POPDC1: variants seen among roughly 807,000 people sequenced by gnomAD.
POPDC1 encodes the protein popeye domain cAMP effector 1, also known as popeye domain-containing protein 1.
the POPDC1 span, among the ~76,000 whole-genome samples, chr6:105,126,933 T>G: frequency 1.3e-5 from 2 of 152,244 alleles, no homozygotes; most frequent in Non-Finnish European, 2.9e-5. Context: ...CAAATAAGGC[T>G]GGCTACTGGA....
the POPDC1 span, among the ~76,000 whole-genome samples, chr6:105,114,962 A>G: frequency 6.6e-6 from 1 of 152,250 alleles, no homozygotes; most frequent in Non-Finnish European, 1.5e-5. Flanking sequence ...TTAGTAAAAC[A>G]TTTCTGGGTC....
chr6:105,121,589 T>C, the POPDC1 span, among the ~76,000 whole-genome samples: 3 of 152,142 alleles, frequency 2.0e-5, no homozygotes, highest in African/African-American at 7.2e-5. Context: ...TTTGTAATAA[T>C]ACTACTCAAG....
chr6:105,124,307 G>A, the POPDC1 span, among the ~76,000 whole-genome samples: 1 of 149,454 alleles, frequency 6.7e-6, no homozygotes, highest in Admixed American at 6.8e-5. Flanking sequence ...GCGTGAACCT[G>A]GGAGGCGGAG....
the POPDC1 span, among the ~76,000 whole-genome samples, chr6:105,112,671 G>T: frequency 6.6e-6 from 1 of 152,186 alleles, no homozygotes; most frequent in African/African-American, 2.4e-5. Flanking sequence ...GGAATCAGGA[G>T]ATGACAGGTT....
chr6:105,133,425 A>G, the POPDC1 span: 3 of 1,613,870 alleles, frequency 1.9e-6, 1 homozygote, highest in Non-Finnish European at 2.5e-6. Context: ...CAACTGCAAA[A>G]CAAATATTTG....
the POPDC1 span, among the ~76,000 whole-genome samples, chr6:105,107,103 C>T: frequency 3.2e-3 from 480 of 152,254 alleles, 9 homozygotes; most frequent in East Asian, 0.056. Flanking sequence ...TACCTCCCCC[C>T]ACCCCCATTA....
the POPDC1 span, among the ~76,000 whole-genome samples, chr6:105,106,529 G>A: frequency 2.6e-5 from 4 of 152,228 alleles, no homozygotes; most frequent in Admixed American, 1.3e-4. Flanking sequence ...GATGGCAGGG[G>A]GTGACCACAC....
the POPDC1 span, among the ~76,000 whole-genome samples, chr6:105,102,410 G>A: frequency 1.3e-5 from 2 of 152,206 alleles, no homozygotes; most frequent in East Asian, 1.9e-4. Flanking sequence ...AGGGCTATGA[G>A]CATGTCACAC....
chr6:105,101,138 A>T, the POPDC1 span: 2 of 1,613,742 alleles, frequency 1.2e-6, no homozygotes, highest in Non-Finnish European at 8.5e-7. Flanking sequence ...CGGTTCAAAA[A>T]CGTCATCATC....
At chr6:105,132,507 TACG>T in the POPDC1 span, among the ~76,000 whole-genome samples, 1 of 152,292 alleles carries the variant, frequency 6.6e-6, no homozygotes, top group African/African-American at 2.4e-5. Context: ...CAGCATCTGA[TACG>T]CCATACTGGG....
the POPDC1 span, chr6:105,133,346 T>A: frequency 6.2e-7 from 1 of 1,600,576 alleles, no homozygotes; most frequent in East Asian, 2.2e-5. Flanking sequence ...CAGTTAGGTA[T>A]CTTACCTAGA....
chr6:105,114,288 A>G, the POPDC1 span, among the ~76,000 whole-genome samples: 2 of 152,206 alleles, frequency 1.3e-5, no homozygotes, highest in Admixed American at 6.5e-5. Flanking sequence ...TACAACTTGT[A>G]TTAAATTTGT....
the POPDC1 span, among the ~76,000 whole-genome samples, chr6:105,103,503 A>G: frequency 6.6e-6 from 1 of 151,994 alleles, no homozygotes; most frequent in Non-Finnish European, 1.5e-5. Flanking sequence ...TTTCCATCAT[A>G]TTTTTAGCCT....
the POPDC1 span, chr6:105,137,069 G>A: frequency 3.3e-5 from 5 of 151,962 alleles, no homozygotes; most frequent in African/African-American, 1.2e-4. Context: ...GCTGCTCGAC[G>A]GGAGCCCGAC....
At chr6:105,098,257 T>C in the POPDC1 span, 1 of 152,214 alleles carries the variant, frequency 6.6e-6, no homozygotes, top group Non-Finnish European at 1.5e-5. Flanking sequence ...TAGGAGATCT[T>C]ACACTTAAAA....
At chr6:105,116,512 T>C in the POPDC1 span, among the ~76,000 whole-genome samples, 1 of 152,206 alleles carries the variant, frequency 6.6e-6, no homozygotes, top group African/African-American at 2.4e-5. Context: ...TCCCTGACAA[T>C]TGTAGACTCC....
chr6:105,133,073 G>A, the POPDC1 span, among the ~76,000 whole-genome samples: 1 of 152,140 alleles, frequency 6.6e-6, no homozygotes, highest in Non-Finnish European at 1.5e-5. Flanking sequence ...CACACAATTT[G>A]GCTTTAAAGT....
chr6:105,108,366 G>T, the POPDC1 span, among the ~76,000 whole-genome samples: 3 of 152,142 alleles, frequency 2.0e-5, no homozygotes, highest in Non-Finnish European at 4.4e-5. Context: ...AGAACTGGGA[G>T]AAAGGATATA....
chr6:105,100,529 T>C, the POPDC1 span: 1 of 94,690 alleles, frequency 1.1e-5, no homozygotes, highest in Non-Finnish European at 2.3e-5. Flanking sequence ...AAAAATTATA[T>C]GTATGTGTGT....
Sources: gnomAD v4.1 joint callset for allele counts (sites outside exome capture counted in the v4.1 genomes callset) on GRCh38, gnomAD v4.1.1 for gene constraint, MANE v1.5 for transcripts, NCBI Gene and HGNC (gene_info 2026-07-23, HGNC 2026-07-21) for gene names.